The following FRMD3 variants were observed in gnomAD, a reference collection of about 807,000 sequenced individuals.
FRMD3 encodes the protein FERM domain containing 3.
FRMD3 carries 33 observed loss-of-function variants against 70.2 expected under a neutral mutation model. That is an observed-to-expected ratio of 0.47 (90% CI 0.36 to 0.63). FRMD3 has a LOEUF of 0.63. Among genes scored for constraint, FRMD3 ranks in the 20% least tolerant of loss-of-function variants. The pLI is 0.00. For synonymous variants in FRMD3, 279 were observed against 255.9 expected (o/e 1.09, Z -0.86); for missense variants, 632 against 711.4 (o/e 0.89, Z 1.27).
chr9:83,433,886 C>T lies in FRMD3; in HGVS notation c.148-44178G>A, dbSNP rs529888497. Reference sequence around the variant, plus strand: ...ACAGATGAAGCTTCACTTGATCACCCACCACTCACCTCCTGCTGTGCAGCC... The same window carrying T: ...ACAGATGAAGCTTCACTTGATCACCTACCACTCACCTCCTGCTGTGCAGCC... On this transcript the variant is annotated intron_variant, in intron 1 of 13. Coordinates refer to ENST00000304195, the MANE Select transcript of FRMD3 (RefSeq NM_174938.6). Among the ~76,000 whole-genome samples, 4 of 152,326 alleles carry T rather than the reference C, an allele frequency of 2.6e-5. No individual in the cohort carries two copies. The East Asian group carries it at 7.7e-4, about 29-fold the overall frequency.
At chr9:83,334,862 C>T (rs1823524259) in intron 6 of FRMD3, among the ~76,000 whole-genome samples, 1 of 152,204 alleles carries the variant, frequency 6.6e-6, no homozygotes, top group South Asian at 2.1e-4. Context: ...GGTTGTTTAA[C>T]CTCTCTGTGC....
chr9:83,582,257 A>G, the FRMD3 span, among the ~76,000 whole-genome samples: 1 of 152,298 alleles, frequency 6.6e-6, no homozygotes, highest in East Asian at 1.9e-4. Flanking sequence ...ATCTTAATCA[A>G]GTCTTGAGAA....
At chr9:83,477,882 T>C (rs1421302338) in intron 1 of FRMD3, among the ~76,000 whole-genome samples, 1 of 152,176 alleles carries the variant, frequency 6.6e-6, no homozygotes, top group Non-Finnish European at 1.5e-5. Context: ...TTAGAAGAAT[T>C]CACATATTAC....
At chr9:83,318,993 G>C (rs188976923) in intron 6 of FRMD3, among the ~76,000 whole-genome samples, 1 of 151,858 alleles carries the variant, frequency 6.6e-6, no homozygotes, top group Non-Finnish European at 1.5e-5. Context: ...TTTAAGGGGG[G>C]TTGTTTTTTT....
At chr9:83,523,544 GA>G (rs1437800737) in intron 1 of FRMD3, among the ~76,000 whole-genome samples, 1 of 152,034 alleles carries the variant, frequency 6.6e-6, no homozygotes, top group Non-Finnish European at 1.5e-5. Context: ...TTGGGGAAAG[GA>G]AAAAAGTAAT....
At chr9:83,534,568 C>T (rs1037584335) in intron 1 of FRMD3, among the ~76,000 whole-genome samples, 3 of 152,182 alleles carry the variant, frequency 2.0e-5, no homozygotes, top group Non-Finnish European at 2.9e-5. Flanking sequence ...AAAACACATG[C>T]CCTTTCACCA....
intron 3 of FRMD3, among the ~76,000 whole-genome samples, chr9:83,371,321 CTTT>C (rs5898826): frequency 2.0e-5 from 3 of 148,446 alleles, no homozygotes; most frequent in African/African-American, 2.5e-5. Context: ...TGTCTTATTA[CTTT>C]TTTTTTTTTT....
intron 1 of FRMD3, among the ~76,000 whole-genome samples, chr9:83,479,708 G>C (rs1193555070): frequency 2.6e-5 from 2 of 77,544 alleles, no homozygotes; most frequent in Non-Finnish European, 4.8e-5. Context: ...AAGAAAGAAA[G>C]AAAGAAAGAA....
intron 8 of FRMD3, among the ~76,000 whole-genome samples, chr9:83,311,099 T>G (rs1835333622): frequency 6.6e-6 from 1 of 152,124 alleles, no homozygotes; most frequent in Non-Finnish European, 1.5e-5. Context: ...TCTGTCCAAT[T>G]AGGTATACAG....
the FRMD3 span, among the ~76,000 whole-genome samples, chr9:83,566,937 C>T: frequency 4.6e-5 from 7 of 152,194 alleles, no homozygotes; most frequent in African/African-American, 9.6e-5. Context: ...GTCTGGAGGA[C>T]GGTGGCCCTC....
chr9:83,357,135 A>G (rs980556025), intron 3 of FRMD3, among the ~76,000 whole-genome samples: 23 of 143,714 alleles, frequency 1.6e-4, no homozygotes, highest in African/African-American at 5.8e-4. Context: ...ATTACATTAT[A>G]TATATTATGT....
intron 1 of FRMD3, among the ~76,000 whole-genome samples, chr9:83,526,935 G>A (rs796378078): frequency 1.3e-4 from 19 of 149,450 alleles, no homozygotes; most frequent in African/African-American, 4.0e-4. Flanking sequence ...CTGCACCTTC[G>A]GGGAGAATCA....
At chr9:83,432,494 C>T (rs894233958) in intron 1 of FRMD3, among the ~76,000 whole-genome samples, 11 of 152,202 alleles carry the variant, frequency 7.2e-5, no homozygotes, top group South Asian at 2.1e-4. Flanking sequence ...CAGCAGTCCA[C>T]GCACATTCCA....
At chr9:83,456,658 C>A (rs1166337681) in intron 1 of FRMD3, among the ~76,000 whole-genome samples, 1 of 152,044 alleles carries the variant, frequency 6.6e-6, no homozygotes, top group Non-Finnish European at 1.5e-5. Flanking sequence ...TTAACAAATT[C>A]TGAATTTTAA....
chr9:83,345,522 C>T (rs1004257845), intron 4 of FRMD3, among the ~76,000 whole-genome samples: 1 of 152,094 alleles, frequency 6.6e-6, no homozygotes, highest in Non-Finnish European at 1.5e-5. Flanking sequence ...ATTTGGGAGG[C>T]CGAGTTGGGT....
rs1832036476 is a variant in FRMD3, at chr9:83,245,238, T to C, written c.*2680A>G. 3 of 984,856 alleles carry C rather than the reference T, an allele frequency of 3.0e-6. No homozygotes were observed. In the African/African-American group the frequency reaches 5.2e-5, roughly 17 times the overall value. 61.0% of individuals were successfully genotyped at this position (984,856 alleles called of 1,614,324 possible). Reference sequence around the variant, plus strand: ...ATACCAATAATATGGAATATACATATACTCACACACTTGCTTTAAACTCTA... The same window carrying C: ...ATACCAATAATATGGAATATACATACACTCACACACTTGCTTTAAACTCTA... On this transcript the variant is annotated 3_prime_UTR_variant, in exon 14 of 14. Transcript: ENST00000304195.
intron 1 of FRMD3, among the ~76,000 whole-genome samples, chr9:83,480,960 A>C (rs1445131892): frequency 1.3e-5 from 2 of 152,234 alleles, no homozygotes; most frequent in African/African-American, 4.8e-5. Flanking sequence ...GTTCCAAAAG[A>C]TTACATAGAG....
chr9:83,280,503 C>CG (rs1833938385), intron 13 of FRMD3, among the ~76,000 whole-genome samples: 1 of 152,196 alleles, frequency 6.6e-6, no homozygotes, highest in African/African-American at 2.4e-5. Context: ...ATGTCACCAC[C>CG]ATAACTAGAG....
chr9:83,567,626 T>C, the FRMD3 span, among the ~76,000 whole-genome samples: 9 of 152,246 alleles, frequency 5.9e-5, no homozygotes, highest in African/African-American at 1.9e-4. Context: ...TAGAAATTTC[T>C]TCTGCCAGAT....
Sources: gnomAD v4.1 joint callset for allele counts (sites outside exome capture counted in the v4.1 genomes callset) on GRCh38, gnomAD v4.1.1 for gene constraint, MANE v1.5 for transcripts, NCBI Gene and HGNC (gene_info 2026-07-23, HGNC 2026-07-21) for gene names.